The following NLK variants were observed in gnomAD, a reference collection of about 807,000 sequenced individuals.
NLK encodes serine/threonine-protein kinase NLK.
Under a neutral mutation model 59.0 loss-of-function variants are expected in NLK, and 11 were observed. The observed-to-expected ratio is 0.19, with a 90% confidence interval of 0.12 to 0.31. The LOEUF (loss-of-function observed/expected upper bound fraction) is 0.31, where lower values mean the gene tolerates loss of function less well. Ranked by LOEUF, NLK falls within the 10% of genes least tolerant of loss-of-function variation. The probability of loss-of-function intolerance (pLI) is 1.00; values close to 1 mark genes in which losing one functional copy is unlikely to be tolerated. For synonymous variants in NLK, 235 were observed against 235.9 expected (o/e 1.00, Z 0.03); for missense variants, 410 against 661.1 (o/e 0.62, Z 4.16).
chr17:28,054,280 CA>C (rs1909361996), intron 1 of NLK, among the ~76,000 whole-genome samples: 1 of 152,190 alleles, frequency 6.6e-6, no homozygotes, highest in African/African-American at 2.4e-5. Context: ...CTGCAGGTTA[CA>C]GTAATTGGGG....
At chr17:28,086,051 T>C (rs909479526) in intron 1 of NLK, among the ~76,000 whole-genome samples, 2 of 152,222 alleles carry the variant, frequency 1.3e-5, no homozygotes, top group Admixed American at 1.3e-4. Context: ...TGACACATGA[T>C]GACTGAAATT....
chr17:28,104,478 A>T (rs1361505766), intron 1 of NLK, among the ~76,000 whole-genome samples: 1 of 151,444 alleles, frequency 6.6e-6, no homozygotes, highest in Non-Finnish European at 1.5e-5. Flanking sequence ...CTGGTCTCGA[A>T]CTCCTGACCT....
At chr17:28,059,355 A>G (rs757915731) in intron 1 of NLK, among the ~76,000 whole-genome samples, 1 of 152,094 alleles carries the variant, frequency 6.6e-6, no homozygotes, top group Admixed American at 6.5e-5. Flanking sequence ...GTAACCAACT[A>G]TGTCCAGAAA....
At chr17:28,069,247 A>G (rs564422758) in intron 1 of NLK, among the ~76,000 whole-genome samples, 4 of 152,322 alleles carry the variant, frequency 2.6e-5, no homozygotes, top group African/African-American at 7.2e-5. Context: ...TTGCTTGCAC[A>G]TATCAGTGTT....
At chr17:28,185,359 T>A in intron 8 of NLK, 94 bp downstream of exon 8, 1 of 746,718 alleles carries the variant, frequency 1.3e-6, no homozygotes, top group Non-Finnish European at 2.1e-6. Context: ...GCAATGTAAA[T>A]AATTACTTTT....
At chr17:28,143,889 T>C (rs1907121356) in intron 3 of NLK, among the ~76,000 whole-genome samples, 1 of 152,250 alleles carries the variant, frequency 6.6e-6, no homozygotes, top group Admixed American at 6.5e-5. Context: ...TAAAAGCGTT[T>C]ATTCAGCAGT....
At chr17:28,080,720 C>T (rs1239107057) in intron 1 of NLK, among the ~76,000 whole-genome samples, 1 of 152,168 alleles carries the variant, frequency 6.6e-6, no homozygotes, top group Non-Finnish European at 1.5e-5. Flanking sequence ...CAGCTTAGTG[C>T]ATAATCATGT....
chr17:28,044,055 A>C (rs1423114879), intron 1 of NLK, among the ~76,000 whole-genome samples: 1 of 152,204 alleles, frequency 6.6e-6, no homozygotes, highest in Non-Finnish European at 1.5e-5. Context: ...TCTGTTGGTC[A>C]GTTGCTGTAG....
downstream of NLK, among the ~76,000 whole-genome samples, chr17:28,201,129 G>A (rs1014527103): frequency 1.3e-5 from 2 of 152,156 alleles, no homozygotes; most frequent in Non-Finnish European, 2.9e-5. Context: ...GCCCAGACTG[G>A]CATGCAGTGG....
chr17:28,185,761 C>T (rs1909092360), intron 8 of NLK, among the ~76,000 whole-genome samples: 1 of 152,114 alleles, frequency 6.6e-6, no homozygotes, highest in African/African-American at 2.4e-5. Flanking sequence ...CTGGTTTGAA[C>T]TCCTGGAGTC....
chr17:28,112,249 T>C (rs1905555613), intron 1 of NLK, among the ~76,000 whole-genome samples: 1 of 152,108 alleles, frequency 6.6e-6, no homozygotes, highest in Non-Finnish European at 1.5e-5. Flanking sequence ...CTATAGGCTT[T>C]CTCTGTTCTT....
intron 4 of NLK, among the ~76,000 whole-genome samples, chr17:28,163,039 A>G (rs1226704450): frequency 6.6e-6 from 1 of 152,246 alleles, no homozygotes; most frequent in Non-Finnish European, 1.5e-5. Flanking sequence ...AAATATTTTT[A>G]AAGTGGTTCA....
chr17:28,202,813 G>A, the NLK span, among the ~76,000 whole-genome samples: 1 of 151,332 alleles, frequency 6.6e-6, no homozygotes, highest in African/African-American at 2.4e-5. Context: ...CTCCCGAGTA[G>A]CTGGGATTAC....
rs1906560123 is a variant in NLK, at chr17:28,132,494, AT to A, written c.589-122del. On this transcript the variant is annotated intron_variant, in intron 2 of 10. Coordinates refer to ENST00000407008, the MANE Select transcript of NLK (RefSeq NM_016231.5). The stretch of plus-strand genomic sequence containing the variant: ...CTGTGTTTCTTGACAGACGAATTTA[AT>A]TTTCAGTGGGCAATTGTAACTAAGC... 4 of 692,868 alleles carry A rather than the reference AT, an allele frequency of 5.8e-6. No homozygotes were observed. The Admixed American group carries it at 1.0e-4, about 18-fold the overall frequency. The allele number at this position is 692,868 out of a possible 1,614,324, so 42.9% of individuals were successfully genotyped here.
At chr17:28,184,745 C>T (rs1181622712) in intron 7 of NLK, among the ~76,000 whole-genome samples, 3 of 152,036 alleles carry the variant, frequency 2.0e-5, no homozygotes, top group Admixed American at 6.5e-5. Flanking sequence ...GTCAGGGGTT[C>T]GAGACCAGCC....
rs1413877499 is a variant in NLK at position 28,122,739 on chromosome 17, G to A, written c.588+7G>A. 6.2e-7 allele frequency: 1 copy of A among 1,613,496 alleles called. No individual in the cohort carries two copies. The highest frequency in any genetic ancestry group is 1.3e-5 in the African/African-American group (1 of 74,896). The stretch of plus-strand genomic sequence containing the variant: ...TTTTTTTAAGCATGATAATGTAAGT[G>A]AAATTGGTATTTGGGGGAAACTATT... On this transcript the variant is annotated splice_region_variant and intron_variant, in intron 2 of 10. Transcript: ENST00000407008.
At chr17:28,137,317 A>G (rs1467709507) in intron 3 of NLK, among the ~76,000 whole-genome samples, 3 of 152,264 alleles carry the variant, frequency 2.0e-5, no homozygotes, top group Middle Eastern at 3.4e-3. Context: ...TTATACATCT[A>G]ATGGGTTCTT....
At chr17:28,160,560 C>T (rs1203141779) in intron 3 of NLK, among the ~76,000 whole-genome samples, 1 of 152,044 alleles carries the variant, frequency 6.6e-6, no homozygotes, top group African/African-American at 2.4e-5. Flanking sequence ...CAGAGTACAA[C>T]GTATAGGAAG....
intron 1 of NLK, among the ~76,000 whole-genome samples, chr17:28,087,213 T>A (rs541372954): frequency 6.6e-6 from 1 of 152,326 alleles, no homozygotes; most frequent in East Asian, 1.9e-4. Flanking sequence ...ATTTCTAGCA[T>A]GCTTAGAGTT....
Sources: gnomAD v4.1 joint callset for allele counts (sites outside exome capture counted in the v4.1 genomes callset) on GRCh38, gnomAD v4.1.1 for gene constraint, MANE v1.5 for transcripts, NCBI Gene and HGNC (gene_info 2026-07-23, HGNC 2026-07-21) for gene names.